The following P2RY8 variants were observed in gnomAD, a reference collection of about 807,000 sequenced individuals.
P2RY8 encodes S-geranylgeranyl-glutathione receptor P2RY8.
Under a neutral mutation model 10.0 loss-of-function variants are expected in P2RY8, and 6 were observed. That is an observed-to-expected ratio of 0.60 (90% CI 0.33 to 1.19). The LOEUF is 1.19. Among genes scored for constraint, P2RY8 ranks in the 50% most tolerant of loss-of-function variants. The pLI is 0.04. For missense variants in P2RY8, 456 were observed against 542.0 expected (o/e 0.84, Z 1.58); for synonymous variants, 276 against 252.5 (o/e 1.09, Z -0.88).
At position 1,505,137 on chromosome X, in the gene P2RY8, C is replaced by CAAAAA. The variant is rs1175803425; in HGVS notation, c.-25+31779_-25+31783dup. ...TGGGTGACAGAGAGAGACTCTGTCT[C>CAAAAA]AAAAAAAAAAAAAAAAGGAAGAAAA... On this transcript the variant is annotated intron_variant, in intron 1 of 1. Coordinates refer to ENST00000381297, the MANE Select transcript of P2RY8 (RefSeq NM_178129.5). 5.0e-5 allele frequency among the ~76,000 whole-genome samples: 5 copies of CAAAAA among 99,736 alleles called. 1 individual carries two copies. Among genetic ancestry groups the CAAAAA allele is most frequent in the Admixed American group, 3.4e-4 (3 of 8,820 alleles). The allele number at this position is 99,736 out of a possible 152,430, so 65.4% of individuals were successfully genotyped here.
At chrX:1,518,118 A>G (rs2092364043) in intron 1 of P2RY8, among the ~76,000 whole-genome samples, 1 of 28,926 alleles carries the variant, frequency 3.5e-5, no homozygotes, top group Non-Finnish European at 7.4e-5. Flanking sequence ...TCAAAAAAAA[A>G]TAAAAAAATA....
chrX:1,496,407 G>A (rs780648762), intron 1 of P2RY8, among the ~76,000 whole-genome samples: 11 of 152,328 alleles, frequency 7.2e-5, no homozygotes, highest in African/African-American at 2.6e-4. Flanking sequence ...AAGGCTCACA[G>A]CCACAGCCAC....
At chrX:1,511,041 G>C (rs1308068577) in intron 1 of P2RY8, among the ~76,000 whole-genome samples, 1 of 151,068 alleles carries the variant, frequency 6.6e-6, no homozygotes, top group South Asian at 2.1e-4. Flanking sequence ...TTAGCCAGCT[G>C]TGGTGGCAGG....
chrX:1,480,393 G>T (rs1204477326), intron 1 of P2RY8, among the ~76,000 whole-genome samples: 5 of 148,076 alleles, frequency 3.4e-5, no homozygotes, highest in Non-Finnish European at 7.4e-5. Context: ...CGCTTCCCGG[G>T]TTTTTTTTTT....
intron 1 of P2RY8, among the ~76,000 whole-genome samples, chrX:1,480,840 T>C (rs1336503375): frequency 2.6e-5 from 4 of 151,800 alleles, no homozygotes; most frequent in Non-Finnish European, 5.9e-5. Context: ...ATAAAAGAAC[T>C]TTTTTTAAAA....
At chrX:1,477,551 T>A (rs1451674530) in intron 1 of P2RY8, among the ~76,000 whole-genome samples, 7 of 34,104 alleles carry the variant, frequency 2.1e-4, no homozygotes, top group Non-Finnish European at 4.1e-4. Flanking sequence ...TGTTCATCAA[T>A]CTATCAATTA....
At chrX:1,520,093 C>T (rs189695299) in intron 1 of P2RY8, among the ~76,000 whole-genome samples, 1 of 150,730 alleles carries the variant, frequency 6.6e-6, no homozygotes, top group East Asian at 2.0e-4. Flanking sequence ...CAATTATCAC[C>T]TTGGTCCCTA....
chrX:1,504,973 A>C (rs1361590546), intron 1 of P2RY8, among the ~76,000 whole-genome samples: 1 of 152,034 alleles, frequency 6.6e-6, no homozygotes, highest in Admixed American at 6.6e-5. Context: ...TCTACTAAAA[A>C]AAATACAAAA....
intron 1 of P2RY8, among the ~76,000 whole-genome samples, chrX:1,511,669 G>A (rs1359926987): frequency 6.6e-6 from 1 of 152,170 alleles, no homozygotes; most frequent in Non-Finnish European, 1.5e-5. Context: ...AAAGACAGGA[G>A]CCACCTTGCC....
chrX:1,509,668 TCATCCATCCATCCATCCATC>T (rs749271833), intron 1 of P2RY8, among the ~76,000 whole-genome samples: 98 of 122,636 alleles, frequency 8.0e-4, no homozygotes, highest in African/African-American at 3.2e-3. Flanking sequence ...CTGTATGTGT[TCATCCATCCATCCATCCATC>T]CATCCATCCA....
chrX:1,518,991 A>G (rs2092371587), intron 1 of P2RY8, among the ~76,000 whole-genome samples: 2 of 150,990 alleles, frequency 1.3e-5, no homozygotes, highest in Non-Finnish European at 2.9e-5. Context: ...GATCCCCAAT[A>G]TTCTCTGTGG....
At chrX:1,515,018 C>T (rs1299495415) in intron 1 of P2RY8, among the ~76,000 whole-genome samples, 1 of 150,052 alleles carries the variant, frequency 6.7e-6, no homozygotes, top group Non-Finnish European at 1.5e-5. Flanking sequence ...ATTCTCCTGC[C>T]TCAGCCTCCC....
rs1170051824 is a variant in P2RY8, at chrX:1,509,796, CCTATCTATCTAT to C, written c.-25+27113_-25+27124del. Among the ~76,000 whole-genome samples, 979 of 104,882 alleles carry C rather than the reference CCTATCTATCTAT, an allele frequency of 9.3e-3. 18 individuals are homozygous for C. The highest frequency in any genetic ancestry group is 0.028 in the Middle Eastern group (3 of 106). The allele number at this position is 104,882 out of a possible 152,430, so 68.8% of individuals were successfully genotyped here. A position where few individuals can be genotyped will look rare whatever the true frequency, so the allele number is the denominator to read the frequency against. ...ATCTATCTATCATCTATGTATCCATCCTATCTATCTATCTATCTATCTATCTATCTATCTATC... is the reference window on the plus strand; with the variant it reads ...ATCTATCTATCATCTATGTATCCATCCTATCTATCTATCTATCTATCTATC... On this transcript the variant is annotated intron_variant, in intron 1 of 1. Transcript: ENST00000381297.
intron 1 of P2RY8, among the ~76,000 whole-genome samples, chrX:1,474,878 G>GTGGATGGATGGATGGATGGA (rs1179994281): frequency 7.5e-6 from 1 of 133,142 alleles, no homozygotes; most frequent in African/African-American, 2.9e-5. Context: ...GTATGGGTGT[G>GTGGATGGATGGATGGATGGA]TGGATGGATG....
In P2RY8 at chrX:1,466,088, C is replaced by T. The variant is rs777880923; in HGVS notation, c.471G>A (p.Pro157=). The change falls in exon 2 of 2, where the codon CCG becomes CCA. Residue 157 remains proline, a synonymous_variant. Coordinates refer to ENST00000381297, the MANE Select transcript of P2RY8 (RefSeq NM_178129.5). ...GGTAGGTGAGATCGGTGCGCGCCAGCGGGGACAGGGCGGTCAGGAGCAGCA... is the reference window on the plus strand; with the variant it reads ...GGTAGGTGAGATCGGTGCGCGCCAGTGGGGACAGGGCGGTCAGGAGCAGCA... ...TWLLLLTALS[P]LARTDLTYPV... is the part of the protein sequence containing the mutation. The T allele has an allele frequency of 6.2e-7, 1 of 1,611,492 alleles. No homozygotes were observed. The highest frequency in any genetic ancestry group is 1.1e-5 in the South Asian group (1 of 90,992).
chrX:1,469,095 T>C, intron 1 of P2RY8, among the ~76,000 whole-genome samples: 1 of 36,890 alleles, frequency 2.7e-5, no homozygotes, highest in Non-Finnish European at 4.5e-5. Context: ...CTCCTCTCCT[T>C]CCCTCTCTCC....
chrX:1,532,106 G>A (rs1286532568), intron 1 of P2RY8, among the ~76,000 whole-genome samples: 6 of 151,106 alleles, frequency 4.0e-5, no homozygotes, highest in Non-Finnish European at 7.4e-5. Flanking sequence ...GATACTTAGA[G>A]GAAAGTAACT....
intron 1 of P2RY8, among the ~76,000 whole-genome samples, chrX:1,468,720 A>G (rs1347738303): frequency 1.4e-5 from 2 of 140,178 alleles, no homozygotes; most frequent in Non-Finnish European, 3.1e-5. Flanking sequence ...TGTAGGTGGG[A>G]CCCTCCTCTC....
In P2RY8 at chrX:1,516,743, G is replaced by T. The variant is rs190660159; in HGVS notation, c.-25+20178C>A. ...TCTGTGATAGCAGCCTGAAATGGAC[G>T]AGAACATCTCATAAGAAGAGGAGAT... On this transcript the variant is annotated intron_variant, in intron 1 of 1. Coordinates refer to ENST00000381297, the MANE Select transcript of P2RY8 (RefSeq NM_178129.5). Among the ~76,000 whole-genome samples the T allele has an allele frequency of 2.4e-3, 341 of 144,944 alleles. 1 individual carries two copies. The highest frequency in any genetic ancestry group is 7.9e-3 in the African/African-American group (309 of 38,870).
Sources: allele counts gnomAD v4.1 joint callset (sites outside exome capture counted in the v4.1 genomes callset), GRCh38; gene constraint gnomAD v4.1.1; transcripts MANE v1.5; gene names NCBI Gene and HGNC (gene_info 2026-07-23, HGNC 2026-07-21).